PSD3: variants seen among roughly 807,000 people sequenced by gnomAD.
The protein encoded by PSD3 is pleckstrin and Sec7 domain containing 3.
PSD3 carries 49 observed loss-of-function variants against 105.5 expected under a neutral mutation model. The observed-to-expected ratio is 0.46, with a 90% confidence interval of 0.37 to 0.59. The LOEUF (loss-of-function observed/expected upper bound fraction) is 0.59. Among genes scored for constraint, PSD3 ranks in the 20% least tolerant of loss-of-function variants. The pLI is 0.00. For missense variants in PSD3, 1,561 were observed against 1,263.8 expected, an observed-to-expected ratio of 1.24 and a Z score of -3.57; for synonymous variants, 557 against 457.8, an observed-to-expected ratio of 1.22 and a Z score of -2.77.
At chr8:18,603,779 A>G (rs1324925009) in intron 11 of PSD3, among the ~76,000 whole-genome samples, 1 of 152,092 alleles carries the variant, frequency 6.6e-6, no homozygotes, top group African/African-American at 2.4e-5. Flanking sequence ...TGGTTGTTTA[A>G]AAGTGTGTAG....
chr8:18,556,237 T>G lies in PSD3; in HGVS notation c.2900A>C (p.Lys967Thr). 1 of 1,614,092 alleles carries G rather than the reference T, an allele frequency of 6.2e-7. No homozygotes were observed. The highest frequency in any genetic ancestry group is 1.1e-5 in the South Asian group (1 of 91,064). Residue 967 changes from lysine to threonine, a missense_variant, in exon 15 of 16, where the codon AAA (lysine) becomes ACA (threonine). Coordinates refer to ENST00000327040, the MANE Select transcript of PSD3 (RefSeq NM_015310.4). ...AAACTCCAGATAGTGGTCTTTCAGT[T>G]TGTACTCATCGACGTCCTTGGCTTT... ...KVKAKDVDEYKLKDHYLEFEK... is the reference protein window; with the variant it reads ...KVKAKDVDEYTLKDHYLEFEK...
chr8:19,062,176 A>G (rs1481965713), intron 1 of PSD3, among the ~76,000 whole-genome samples: 3 of 152,232 alleles, frequency 2.0e-5, no homozygotes, highest in African/African-American at 7.2e-5. Flanking sequence ...ATTCCTACCA[A>G]TAAGCAACTG....
chr8:18,961,583 G>A (rs751643274), intron 1 of PSD3, among the ~76,000 whole-genome samples: 1 of 152,048 alleles, frequency 6.6e-6, no homozygotes, highest in Non-Finnish European at 1.5e-5. Context: ...CCAGCTACTC[G>A]CGAGGCTGAG....
At chr8:18,754,932 G>A (rs1271357625) in intron 9 of PSD3, among the ~76,000 whole-genome samples, 1 of 152,104 alleles carries the variant, frequency 6.6e-6, no homozygotes, top group African/African-American at 2.4e-5. Flanking sequence ...TATTTGCCAT[G>A]GTAGTTCCAC....
At chr8:18,989,077 T>C (rs1825656836) in intron 1 of PSD3, among the ~76,000 whole-genome samples, 1 of 152,166 alleles carries the variant, frequency 6.6e-6, no homozygotes, top group South Asian at 2.1e-4. Flanking sequence ...ATTCCTCCAG[T>C]TTTAAAATTC....
At chr8:18,588,357 T>C (rs1469879608) in intron 12 of PSD3, among the ~76,000 whole-genome samples, 3 of 152,232 alleles carry the variant, frequency 2.0e-5, no homozygotes, top group Non-Finnish European at 1.5e-5. Flanking sequence ...AATTAGTCTC[T>C]AGGATCTGTG....
chr8:18,699,247 A>G (rs989791453), intron 9 of PSD3, among the ~76,000 whole-genome samples: 3 of 152,244 alleles, frequency 2.0e-5, no homozygotes, highest in East Asian at 1.9e-4. Context: ...AGAAAAATTC[A>G]TAAGTCCCCG....
intron 12 of PSD3, among the ~76,000 whole-genome samples, chr8:18,579,601 G>T (rs1802681161): frequency 6.6e-6 from 1 of 152,070 alleles, no homozygotes; most frequent in African/African-American, 2.4e-5. Context: ...TTAAAAGCAT[G>T]AAATAAAAAG....
chr8:18,629,656 T>C (rs1806751656), intron 11 of PSD3, among the ~76,000 whole-genome samples: 1 of 152,030 alleles, frequency 6.6e-6, no homozygotes, highest in Non-Finnish European at 1.5e-5. Context: ...GGCAAAAGTA[T>C]AGGGCCCAAA....
At chr8:18,764,491 G>A (rs1330332472) in intron 9 of PSD3, among the ~76,000 whole-genome samples, 1 of 152,034 alleles carries the variant, frequency 6.6e-6, no homozygotes, top group Non-Finnish European at 1.5e-5. Flanking sequence ...AATAAAGTTA[G>A]TAAGACTAAG....
At chr8:18,974,767 T>C (rs1824838500) in intron 1 of PSD3, among the ~76,000 whole-genome samples, 2 of 152,010 alleles carry the variant, frequency 1.3e-5, no homozygotes, top group Admixed American at 6.6e-5. Flanking sequence ...GGCTTGGGTT[T>C]AAACTGCTGC....
In PSD3 at chr8:18,529,977, A is replaced by C. The variant is rs1799565765; in HGVS notation, c.*5766T>G. On this transcript the variant is annotated 3_prime_UTR_variant, in exon 16 of 16. Coordinates refer to ENST00000327040, the MANE Select transcript of PSD3 (RefSeq NM_015310.4). ...AAAATAGTTTGAGACTATAGAGTTA[A>C]TTAACAACAACAAAAAAATGCCTCA... 6.6e-6 allele frequency: 1 copy of C among 152,396 alleles called. No individual in the cohort carries two copies. Among genetic ancestry groups the C allele is most frequent in the Non-Finnish European group, 1.5e-5 (1 of 68,042 alleles). 9.4% of individuals were successfully genotyped at this position (152,396 alleles called of 1,614,324 possible).
chr8:18,582,255 C>T lies in PSD3; in HGVS notation c.2482-6970G>A, dbSNP rs140080659. On this transcript the variant is annotated intron_variant, in intron 12 of 15. Transcript: ENST00000327040. Reference sequence around the variant, plus strand: ...ATCCTCAACTCTCCAATCTGCCTTCCACGCTCACCACTGCACTGAAACTGC... The same window carrying T: ...ATCCTCAACTCTCCAATCTGCCTTCTACGCTCACCACTGCACTGAAACTGC... Among the ~76,000 whole-genome samples, 4 of 152,302 alleles carry T rather than the reference C, an allele frequency of 2.6e-5. No individual in the cohort carries two copies. The East Asian group carries it at 5.8e-4, about 22-fold the overall frequency.
intron 1 of PSD3, chr8:18,940,271 A>G (rs1250151783): frequency 1.3e-5 from 2 of 152,162 alleles, no homozygotes; most frequent in Non-Finnish European, 2.9e-5. Context: ...ACTCTGTTGT[A>G]TATACGAATC....
At chr8:18,962,632 C>A (rs1341346132) in intron 1 of PSD3, among the ~76,000 whole-genome samples, 3 of 152,208 alleles carry the variant, frequency 2.0e-5, no homozygotes, top group Non-Finnish European at 4.4e-5. Flanking sequence ...CTAATTCCCT[C>A]CACAGCATCC....
chr8:18,639,262 C>CTT lies in PSD3; in HGVS notation c.2217-6458_2217-6457dup, dbSNP rs150299126. Reference sequence around the variant, plus strand: ...AAGTTTTCTACTGTTTTAAATGTGGCTTTTTTTTTTAATTGAGAGTTTGCC... The same window carrying CTT: ...AAGTTTTCTACTGTTTTAAATGTGGCTTTTTTTTTTTTAATTGAGAGTTTGCC... On this transcript the variant is annotated intron_variant, in intron 10 of 15. Coordinates refer to ENST00000327040, the MANE Select transcript of PSD3 (RefSeq NM_015310.4). Among the ~76,000 whole-genome samples, 12 of 148,236 alleles carry CTT rather than the reference C, an allele frequency of 8.1e-5. No individual in the cohort carries two copies. The East Asian group carries it at 9.9e-4, about 12-fold the overall frequency.
At chr8:19,059,823 G>A (rs762447975) in intron 1 of PSD3, among the ~76,000 whole-genome samples, 10 of 152,194 alleles carry the variant, frequency 6.6e-5, no homozygotes, top group Non-Finnish European at 1.5e-4. Context: ...CTGCCAGGGT[G>A]CCCTTCAGCT....
intron 1 of PSD3, among the ~76,000 whole-genome samples, chr8:19,000,402 A>AC (rs1265350094): frequency 2.7e-5 from 4 of 150,340 alleles, no homozygotes; most frequent in African/African-American, 4.9e-5. Flanking sequence ...GTCTGAAAAA[A>AC]AAAAAAGAGA....
intron 8 of PSD3, among the ~76,000 whole-genome samples, chr8:18,775,557 C>G (rs947857594): frequency 6.6e-6 from 1 of 152,070 alleles, no homozygotes; most frequent in Non-Finnish European, 1.5e-5. Context: ...AATGATATCT[C>G]CTGTGGTTTT....
Sources: allele counts gnomAD v4.1 joint callset (sites outside exome capture counted in the v4.1 genomes callset), GRCh38; gene constraint gnomAD v4.1.1; transcripts MANE v1.5; gene names NCBI Gene and HGNC (gene_info 2026-07-23, HGNC 2026-07-21).